The following ANKH variants were observed in gnomAD, a reference collection of about 807,000 sequenced individuals.
ANKH encodes ANKH inorganic pyrophosphate transport regulator, also known as mineralization regulator ANKH.
In ANKH, 15 loss-of-function variants were observed where a neutral mutation model predicts 49.0. The observed-to-expected ratio is 0.31, with a 90% CI of 0.20 to 0.47. The LOEUF is 0.47. Ranked by LOEUF, ANKH falls within the 20% of genes least tolerant of loss-of-function variation. The pLI is 1.00. For synonymous variants in ANKH, 273 were observed against 260.0 expected, an observed-to-expected ratio of 1.05 and a Z score of -0.48; for missense variants, 429 against 652.0, an observed-to-expected ratio of 0.66 and a Z score of 3.72.
chr5:14,732,148 T>C (rs1473635115), intron 8 of ANKH, among the ~76,000 whole-genome samples: 1 of 152,214 alleles, frequency 6.6e-6, no homozygotes, highest in Non-Finnish European at 1.5e-5. Flanking sequence ...CTATCAGATG[T>C]CTAGTCAGAG....
At chr5:14,815,637 C>T (rs1259778175) in intron 1 of ANKH, among the ~76,000 whole-genome samples, 3 of 152,112 alleles carry the variant, frequency 2.0e-5, no homozygotes, top group South Asian at 2.1e-4. Context: ...ACAAAGTACT[C>T]GTTCGCCCCT....
At chr5:14,871,024 G>A (rs1438235014) in intron 1 of ANKH, 1 of 421,036 alleles carries the variant, frequency 2.4e-6, no homozygotes, top group African/African-American at 2.0e-5. Flanking sequence ...TAAGCTACTA[G>A]AAACTACATT....
chr5:14,718,219 A>G (rs1212723622), intron 8 of ANKH, among the ~76,000 whole-genome samples: 3 of 152,012 alleles, frequency 2.0e-5, no homozygotes, highest in Non-Finnish European at 4.4e-5. Context: ...ACCAACTACT[A>G]GTCTCCAGAT....
intron 1 of ANKH, among the ~76,000 whole-genome samples, chr5:14,852,303 T>A (rs1742142057): frequency 6.6e-6 from 1 of 152,082 alleles, no homozygotes; most frequent in Non-Finnish European, 1.5e-5. Flanking sequence ...AGAAATGGAA[T>A]GCTCCTTAAG....
chr5:14,791,711 G>C (rs1325472766), intron 1 of ANKH, among the ~76,000 whole-genome samples: 2 of 152,148 alleles, frequency 1.3e-5, no homozygotes, highest in African/African-American at 2.4e-5. Context: ...TGCCAGTTTT[G>C]CATTTTCAAA....
At chr5:14,861,008 C>A (rs2126631433) in intron 1 of ANKH, among the ~76,000 whole-genome samples, 1 of 152,250 alleles carries the variant, frequency 6.6e-6, no homozygotes, top group South Asian at 2.1e-4. Context: ...GCCTTGAACT[C>A]CTGAGCTCAA....
Position 14,751,155 on chromosome 5 carries a change from C to A in ANKH, c.601G>T (p.Ala201Ser), listed in dbSNP as rs1190164920. 6.2e-6 allele frequency: 10 copies of A among 1,614,076 alleles called. No homozygotes were observed. In the Admixed American group the frequency reaches 1.0e-4, roughly 16 times the overall value. Residue 201 changes from alanine (A) to serine (S), a missense_variant, in exon 5 of 12, where the codon GCA becomes TCA. Ala to Ser is a moderately conservative substitution (Grantham distance 99, BLOSUM62 1). Around this residue, in one of 2 missense-constraint regions of ANKH, gnomAD observed 378 missense variants for 615.3 expected, o/e 0.61. Transcript: ENST00000284268. ...LIPILSLYMGALVRCTTLCLG... is the reference protein window; with the variant it reads ...LIPILSLYMGSLVRCTTLCLG... ...CACAGGGTGGTGCAGCGCACAAGTGCGCCCATGTACAAGGAGAGGATCGGG... is the reference window on the plus strand; with the variant it reads ...CACAGGGTGGTGCAGCGCACAAGTGAGCCCATGTACAAGGAGAGGATCGGG...
chr5:14,761,653 T>C (rs1205865018), intron 2 of ANKH, among the ~76,000 whole-genome samples: 2 of 152,178 alleles, frequency 1.3e-5, no homozygotes, highest in African/African-American at 2.4e-5. Context: ...TGATGCCAAG[T>C]AGCCATAAAA....
intron 1 of ANKH, among the ~76,000 whole-genome samples, chr5:14,836,329 T>C (rs1741651623): frequency 6.6e-6 from 1 of 152,170 alleles, no homozygotes; most frequent in Admixed American, 6.5e-5. Context: ...AGTGAAATTG[T>C]CCCTGTTTGC....
Position 14,865,981 on chromosome 5 carries a change from TATC to T in ANKH, c.96+5368_96+5370del, listed in dbSNP as rs536956983. On this transcript the variant is annotated intron_variant, in intron 1 of 11. Transcript: ENST00000284268. ...AGATAAACAGCTCTGGTCTTTGAAT[TATC>T]ATATTAGACCCAACCAAATTCAGTG... Among the ~76,000 whole-genome samples the T allele has an allele frequency of 3.6e-3, 550 of 152,312 alleles. 2 individuals carry two copies. The highest frequency in any genetic ancestry group is 6.6e-3 in the Non-Finnish European group (447 of 68,012).
In ANKH at chr5:14,795,067, C is replaced by T. The variant is rs142488395; in HGVS notation, c.97-25876G>A. 5.8e-3 allele frequency among the ~76,000 whole-genome samples: 877 copies of T among 152,302 alleles called. 4 individuals are homozygous for T. Among genetic ancestry groups the T allele is most frequent in the Non-Finnish European group, 8.3e-3 (566 of 68,024 alleles). On this transcript the variant is annotated intron_variant, in intron 1 of 11. Coordinates refer to ENST00000284268, the MANE Select transcript of ANKH (RefSeq NM_054027.6). Reference sequence around the variant, plus strand: ...GCAAGTCTGGTCCAACGTGCATCCACCCACAGCATCTCACTCATCACACAT... The same window carrying T: ...GCAAGTCTGGTCCAACGTGCATCCATCCACAGCATCTCACTCATCACACAT...
chr5:14,717,918 T>C (rs1433480351), intron 8 of ANKH, among the ~76,000 whole-genome samples: 2 of 152,172 alleles, frequency 1.3e-5, no homozygotes, highest in Non-Finnish European at 2.9e-5. Context: ...GGATTTTCGA[T>C]TTTTGGATGA....
chr5:14,743,752 C>T (rs1328779581), intron 7 of ANKH, among the ~76,000 whole-genome samples: 1 of 151,960 alleles, frequency 6.6e-6, no homozygotes, highest in Non-Finnish European at 1.5e-5. Context: ...AAACAATGGG[C>T]GAGGTTTTAA....
chr5:14,768,884 A>C, intron 2 of ANKH, 91 bp downstream of exon 2: 1 of 1,382,270 alleles, frequency 7.2e-7, no homozygotes, highest in East Asian at 2.3e-5. Context: ...TTAGTGAAGA[A>C]ACCACTTATC....
At chr5:14,782,972 C>A (rs775442356) in intron 1 of ANKH, among the ~76,000 whole-genome samples, 6 of 152,150 alleles carry the variant, frequency 3.9e-5, no homozygotes, top group Non-Finnish European at 7.3e-5. Context: ...ATACAAGGAT[C>A]TTTAACTCTT....
At chr5:14,801,795 T>A (rs558024982) in intron 1 of ANKH, among the ~76,000 whole-genome samples, 2 of 152,338 alleles carry the variant, frequency 1.3e-5, no homozygotes. Context: ...CTTTCACCTG[T>A]CTTCTCATTC....
intron 1 of ANKH, among the ~76,000 whole-genome samples, chr5:14,774,248 C>A (rs1739540422): frequency 6.6e-6 from 1 of 152,114 alleles, no homozygotes; most frequent in Non-Finnish European, 1.5e-5. Context: ...GCCATTCTTA[C>A]CCCGCCATAG....
Position 14,736,614 on chromosome 5 carries a change from T to G in ANKH, c.1011+5213A>C, listed in dbSNP as rs145480289. 6.1e-3 allele frequency among the ~76,000 whole-genome samples: 935 copies of G among 152,262 alleles called. 9 individuals are homozygous for G. The highest frequency in any genetic ancestry group is 0.02 in the African/African-American group (836 of 41,560). On this transcript the variant is annotated intron_variant, in intron 8 of 11. Transcript: ENST00000284268. ...CTCTGAGTCGTCACCTCCCCTCTTT[T>G]TCTGACCAGTCTCTCTCCCTTCTCC...
At chr5:14,835,877 T>C (rs1741636403) in intron 1 of ANKH, among the ~76,000 whole-genome samples, 1 of 152,178 alleles carries the variant, frequency 6.6e-6, no homozygotes, top group African/African-American at 2.4e-5. Flanking sequence ...AATAAAATAC[T>C]GGCAAATCGA....
Sources: gnomAD v4.1 joint callset for allele counts (sites outside exome capture counted in the v4.1 genomes callset) on GRCh38, gnomAD v4.1.1 for gene constraint, gnomAD v4.1.1 regional missense constraint, MANE v1.5 for transcripts, NCBI Gene and HGNC (gene_info 2026-07-23, HGNC 2026-07-21) for gene names.